The following SYNDIG1L variants were observed in gnomAD, a reference collection of about 807,000 sequenced individuals.
SYNDIG1L encodes the protein synapse differentiation-inducing gene protein 1-like.
A neutral mutation model predicts 20.1 loss-of-function variants in SYNDIG1L; 13 were observed. The observed-to-expected ratio is 0.65, with a 90% CI of 0.42 to 1.03. The LOEUF (loss-of-function observed/expected upper bound fraction) is 1.03. Among genes scored for constraint, SYNDIG1L ranks in the 50% least tolerant of loss-of-function variants. SYNDIG1L has a pLI of 0.00. For missense variants in SYNDIG1L, 294 were observed against 305.1 expected (o/e 0.96, Z 0.27); for synonymous variants, 128 against 129.3 (o/e 0.99, Z 0.07).
chr14:74,428,531 A>C (rs1179439046), upstream of SYNDIG1L, among the ~76,000 whole-genome samples: 1 of 152,226 alleles, frequency 6.6e-6, no homozygotes, highest in Admixed American at 6.5e-5. Flanking sequence ...CGGTCCATAG[A>C]CATGTTGACC....
the SYNDIG1L span, among the ~76,000 whole-genome samples, chr14:74,459,349 A>G: frequency 6.6e-6 from 1 of 152,166 alleles, no homozygotes; most frequent in Non-Finnish European, 1.5e-5. Context: ...TATAAAAAAT[A>G]CAAGATTAGC....
At chr14:74,472,925 C>A in the SYNDIG1L span, among the ~76,000 whole-genome samples, 1 of 151,880 alleles carries the variant, frequency 6.6e-6, no homozygotes, top group Non-Finnish European at 1.5e-5. Context: ...AGGAGGGGGG[C>A]GGAATTCTAA....
At chr14:74,434,209 T>C in the SYNDIG1L span, among the ~76,000 whole-genome samples, 17 of 152,232 alleles carry the variant, frequency 1.1e-4, no homozygotes, top group Non-Finnish European at 2.1e-4. Flanking sequence ...CTCTCTGCAA[T>C]ATGCATGCAC....
At chr14:74,432,930 G>A in the SYNDIG1L span, among the ~76,000 whole-genome samples, 1 of 152,000 alleles carries the variant, frequency 6.6e-6, no homozygotes, top group Non-Finnish European at 1.5e-5. Flanking sequence ...CAGGAACTGT[G>A]TTAAGAGTTT....
intron 1 of SYNDIG1L, among the ~76,000 whole-genome samples, chr14:74,412,848 C>G (rs1428392267): frequency 6.6e-6 from 1 of 152,170 alleles, no homozygotes. Flanking sequence ...AGCCTCTCCC[C>G]CAGCTGGCCA....
At chr14:74,469,962 C>T in the SYNDIG1L span, among the ~76,000 whole-genome samples, 1 of 152,166 alleles carries the variant, frequency 6.6e-6, no homozygotes, top group Non-Finnish European at 1.5e-5. Context: ...AATCTTAGGG[C>T]TGCCAGATTG....
At chr14:74,468,573 C>T in the SYNDIG1L span, among the ~76,000 whole-genome samples, 68 of 152,236 alleles carry the variant, frequency 4.5e-4, no homozygotes, top group African/African-American at 1.5e-3. Flanking sequence ...CCCTGTGTTC[C>T]AGCCTCTCAG....
At chr14:74,449,438 C>CAAAAAAAAAAAAAA in the SYNDIG1L span, among the ~76,000 whole-genome samples, 65 of 34,018 alleles carry the variant, frequency 1.9e-3, 19 homozygotes, top group African/African-American at 2.6e-3. Flanking sequence ...CCTGTCTTTA[C>CAAAAAAAAAAAAAA]AAAAAAAAAA....
chr14:74,455,007 A>G, the SYNDIG1L span, among the ~76,000 whole-genome samples: 1 of 152,214 alleles, frequency 6.6e-6, no homozygotes, highest in East Asian at 1.9e-4. Flanking sequence ...TATTCTTGAT[A>G]ATGTTGGTGA....
chr14:74,419,929 G>A (rs2086208181), intron 1 of SYNDIG1L, among the ~76,000 whole-genome samples: 1 of 151,966 alleles, frequency 6.6e-6, no homozygotes, highest in African/African-American at 2.4e-5. Flanking sequence ...GAGGTGGGAA[G>A]GCCTCCCATG....
chr14:74,454,530 C>CT, the SYNDIG1L span, among the ~76,000 whole-genome samples: 730 of 152,332 alleles, frequency 4.8e-3, 7 homozygotes, highest in African/African-American at 0.017. Flanking sequence ...GAGCCGCTTC[C>CT]TTTTATTCAT....
At chr14:74,440,516 T>TAAAAAAAAAAAAAA in the SYNDIG1L span, among the ~76,000 whole-genome samples, 1 of 97,224 alleles carries the variant, frequency 1.0e-5, no homozygotes, top group African/African-American at 4.6e-5. Flanking sequence ...CTCCGTCTCA[T>TAAAAAAAAAAAAAA]AAAAAAAAAA....
chr14:74,453,617 T>A, the SYNDIG1L span, among the ~76,000 whole-genome samples: 1 of 151,972 alleles, frequency 6.6e-6, no homozygotes, highest in East Asian at 1.9e-4. Flanking sequence ...GATACCTCAA[T>A]AAAGCTGTTT....
chr14:74,412,165 G>A (rs2086136376), intron 1 of SYNDIG1L, among the ~76,000 whole-genome samples: 1 of 152,210 alleles, frequency 6.6e-6, no homozygotes, highest in Non-Finnish European at 1.5e-5. Context: ...ATAGTGATGT[G>A]GAGGGCACCT....
upstream of SYNDIG1L, among the ~76,000 whole-genome samples, chr14:74,428,876 T>C (rs1205178392): frequency 6.6e-6 from 1 of 151,760 alleles, no homozygotes; most frequent in Non-Finnish European, 1.5e-5. Context: ...GAGAGATTGG[T>C]TGTGGGGAAG....
intron 1 of SYNDIG1L, among the ~76,000 whole-genome samples, chr14:74,417,381 G>A (rs2086185199): frequency 6.6e-6 from 1 of 152,182 alleles, no homozygotes; most frequent in South Asian, 2.1e-4. Context: ...ATTGGGAGGA[G>A]GCATCATGAA....
chr14:74,459,469 A>G, the SYNDIG1L span, among the ~76,000 whole-genome samples: 1 of 152,266 alleles, frequency 6.6e-6, no homozygotes, highest in Non-Finnish European at 1.5e-5. Context: ...GTGCCACTGC[A>G]CTCCAGCCTG....
At chr14:74,476,509 GCT>G in the SYNDIG1L span, 4 of 1,535,124 alleles carry the variant, frequency 2.6e-6, no homozygotes, top group South Asian at 4.8e-5. Context: ...AGAATCTCAG[GCT>G]CTTAGTCTCC....
the SYNDIG1L span, among the ~76,000 whole-genome samples, chr14:74,443,749 G>T: frequency 6.6e-6 from 1 of 152,216 alleles, no homozygotes; most frequent in Non-Finnish European, 1.5e-5. Context: ...CTGGAGGATG[G>T]CTGAAAAGGG....
Sources: allele counts gnomAD v4.1 joint callset (sites outside exome capture counted in the v4.1 genomes callset), GRCh38; gene constraint gnomAD v4.1.1; transcripts MANE v1.5; gene names NCBI Gene and HGNC (gene_info 2026-07-23, HGNC 2026-07-21).